The following IL17RB variants were observed in gnomAD, a reference collection of about 807,000 sequenced individuals.
IL17RB encodes the protein interleukin-17 receptor B.
Under a neutral mutation model 43.9 loss-of-function variants are expected in IL17RB, and 36 were observed. The ratio of observed to expected loss-of-function variants is 0.82; its 90% confidence interval spans 0.63 to 1.08. The LOEUF (loss-of-function observed/expected upper bound fraction) is 1.08. IL17RB is among the 50% of genes least tolerant of loss of function. The pLI is 0.00. For synonymous variants in IL17RB, 225 were observed against 225.4 expected (o/e 1.00, Z 0.02); for missense variants, 613 against 613.6 (o/e 1.00, Z 0.01).
At chr3:53,846,699 A>G in intron 1 of IL17RB, 51 bp downstream of exon 1, 2 of 1,522,946 alleles carry the variant, frequency 1.3e-6, no homozygotes, top group Non-Finnish European at 1.8e-6. Context: ...TCGAGCCCAG[A>G]TCCTGACGTC....
At chr3:53,860,940 A>G (rs571610571) in intron 10 of IL17RB, 71 of 152,356 alleles carry the variant, frequency 4.7e-4, no homozygotes, top group African/African-American at 1.6e-3. Flanking sequence ...CACAGTTGAG[A>G]GAAACGTGAG....
chr3:53,854,607 G>C (rs1473003877), intron 5 of IL17RB, among the ~76,000 whole-genome samples: 1 of 152,154 alleles, frequency 6.6e-6, no homozygotes, highest in Non-Finnish European at 1.5e-5. Flanking sequence ...CCCATCAGGG[G>C]TCCATGGCAC....
intron 10 of IL17RB, among the ~76,000 whole-genome samples, chr3:53,864,517 AGAGT>A (rs1699704934): frequency 6.6e-6 from 1 of 152,168 alleles, no homozygotes; most frequent in African/African-American, 2.4e-5. Context: ...CCTGGGCGAC[AGAGT>A]GAGACTATGT....
chr3:53,855,987 T>A (rs1473922932), intron 6 of IL17RB, among the ~76,000 whole-genome samples: 2 of 152,224 alleles, frequency 1.3e-5, no homozygotes, highest in African/African-American at 4.8e-5. Flanking sequence ...TAGTGGTATT[T>A]GGATCAGCCC....
chr3:53,858,633 G>T, intron 8 of IL17RB, 86 bp from the exon 9 acceptor site: 1 of 1,549,374 alleles, frequency 6.5e-7, no homozygotes, highest in East Asian at 2.4e-5. Context: ...CCAGAAAGAA[G>T]GGAAGTTTTG....
chr3:53,863,203 T>C (rs1437515382), intron 10 of IL17RB, among the ~76,000 whole-genome samples: 1 of 152,228 alleles, frequency 6.6e-6, no homozygotes, highest in Non-Finnish European at 1.5e-5. Context: ...CAGTCAACAG[T>C]AGGCTATTAG....
intron 3 of IL17RB, 65 bp from the exon 4 acceptor site, chr3:53,851,934 C>G: frequency 6.3e-7 from 1 of 1,575,566 alleles, no homozygotes; most frequent in South Asian, 1.1e-5. Flanking sequence ...AGTAAAGCAT[C>G]TAGCATCAAG....
chr3:53,852,063 C>T lies in IL17RB; in HGVS notation c.291C>T (p.Tyr97=), dbSNP rs1370331447. 1.2e-6 allele frequency: 2 copies of T among 1,614,170 alleles called. No individual in the cohort carries two copies. The highest frequency in any genetic ancestry group is 8.5e-7 in the Non-Finnish European group (1 of 1,180,036). ...CGGGCAAAAGCAACTTCCAGTCCTA[C>T]AGCTGTGTGAGGTGCAATTACACAG... is the stretch of plus-strand genomic sequence containing the variant. ...CVTGKSNFQS[Y]SCVRCNYTEA... The change falls in exon 4 of 11, where the codon TAC becomes TAT. Residue 97 remains tyrosine, a synonymous_variant. Coordinates refer to ENST00000288167, the MANE Select transcript of IL17RB (RefSeq NM_018725.4).
chr3:53,850,067 G>A (rs1318839847), intron 3 of IL17RB, among the ~76,000 whole-genome samples: 1 of 152,200 alleles, frequency 6.6e-6, no homozygotes, highest in African/African-American at 2.4e-5. Flanking sequence ...ACAACAATAT[G>A]GATGAATGTC....
Position 53,856,697 on chromosome 3 carries a change from A to G in IL17RB, c.530-147A>G, listed in dbSNP as rs1699345147. On this transcript the variant is annotated intron_variant, in intron 6 of 10. Transcript: ENST00000288167. Reference sequence around the variant, plus strand: ...CAAGTACTTTGAGACTTTGGAAACAATGATAAAAAGTTCACTATGTAGCAG... The same window carrying G: ...CAAGTACTTTGAGACTTTGGAAACAGTGATAAAAAGTTCACTATGTAGCAG... The G allele has an allele frequency of 1.1e-5, 8 of 715,138 alleles. No individual in the cohort carries two copies. In the South Asian group the frequency reaches 1.3e-4, roughly 12 times the overall value. The allele number at this position is 715,138 out of a possible 1,614,324, so 44.3% of individuals were successfully genotyped here. A position where few individuals can be genotyped will look rare whatever the true frequency, so the allele number is the denominator to read the frequency against.
rs1405400685 is a variant in IL17RB at position 53,857,544 on chromosome 3, C to T, written c.673-72C>T. ...AAGCCATCTGCCTGCCTTGGCCTCC[C>T]AAAGTGTTGGGATTACAGGGGTGAG... On this transcript the variant is annotated intron_variant, in intron 7 of 10. Coordinates refer to ENST00000288167, the MANE Select transcript of IL17RB (RefSeq NM_018725.4). 3.5e-6 allele frequency: 5 copies of T among 1,418,298 alleles called. No individual in the cohort carries two copies. The African/African-American group carries it at 4.2e-5, about 12-fold the overall frequency. 87.9% of individuals were successfully genotyped at this position (1,418,298 alleles called of 1,614,324 possible). A position where few individuals can be genotyped will look rare whatever the true frequency, so the allele number is the denominator to read the frequency against.
rs1699731309 is a variant in IL17RB at position 53,865,026 on chromosome 3, C to CA, written c.1229dup (p.Ser411GlufsTer7). 3 of 1,614,176 alleles carry CA rather than the reference C, an allele frequency of 1.9e-6. No individual in the cohort carries two copies. The highest frequency in any genetic ancestry group is 2.5e-6 in the Non-Finnish European group (3 of 1,180,034). On this transcript the variant is annotated frameshift_variant, in exon 11 of 11. Coordinates refer to ENST00000288167, the MANE Select transcript of IL17RB (RefSeq NM_018725.4). LOFTEE classifies it low-confidence loss of function (END_TRUNC). Reference sequence around the variant, plus strand: ...ACAGTGTGTGCGATGGTACCTGTGGCAAGAGCGAGGGCAGTCCCAGTGAGA... The same window carrying CA: ...ACAGTGTGTGCGATGGTACCTGTGGCAAAGAGCGAGGGCAGTCCCAGTGAGA...
intron 3 of IL17RB, 135 bp from the exon 4 acceptor site, chr3:53,851,864 G>C: frequency 1.0e-6 from 1 of 995,840 alleles, no homozygotes; most frequent in Non-Finnish European, 1.5e-6. Context: ...ACTGGAGACA[G>C]TGGTGCCTAC....
rs2232339 is a variant in IL17RB at position 53,856,723 on chromosome 3, C to T, written c.530-121C>T. 3.9e-3 allele frequency: 3,449 copies of T among 877,686 alleles called. 58 individuals carry two copies. In the African/African-American group the frequency reaches 0.045, roughly 11 times the overall value. The allele number at this position is 877,686 out of a possible 1,614,324, so 54.4% of individuals were successfully genotyped here. A position where few individuals can be genotyped will look rare whatever the true frequency, so the allele number is the denominator to read the frequency against. On this transcript the variant is annotated intron_variant, in intron 6 of 10. Coordinates refer to ENST00000288167, the MANE Select transcript of IL17RB (RefSeq NM_018725.4). Reference sequence around the variant, plus strand: ...TGATAAAAAGTTCACTATGTAGCAGCGTCCCTATCTCTTGGACATTGTTCC... The same window carrying T: ...TGATAAAAAGTTCACTATGTAGCAGTGTCCCTATCTCTTGGACATTGTTCC...
intron 10 of IL17RB, chr3:53,861,296 CTTTTT>C (rs34624787): frequency 6.7e-6 from 1 of 149,706 alleles, no homozygotes; most frequent in East Asian, 2.0e-4. Context: ...GCAAAAAAAA[CTTTTT>C]TTTTTCATTA....
chr3:53,858,626 G>C, intron 8 of IL17RB, 93 bp from the exon 9 acceptor site: 1 of 1,534,580 alleles, frequency 6.5e-7, no homozygotes, highest in Non-Finnish European at 8.8e-7. Flanking sequence ...GGCGAAGCCA[G>C]AAAGAAGGGA....
chr3:53,858,650 G>GTA, intron 8 of IL17RB, 69 bp from the exon 9 acceptor site: 1 of 1,579,764 alleles, frequency 6.3e-7, no homozygotes, highest in Non-Finnish European at 8.6e-7. Flanking sequence ...TTTGGCTGAA[G>GTA]TAGGAGTCTT....
At chr3:53,855,269 TA>T in intron 5 of IL17RB, 24 bp from the exon 6 acceptor site, 1 of 1,570,204 alleles carries the variant, frequency 6.4e-7, no homozygotes, top group Non-Finnish European at 8.8e-7. Context: ...TTCTAAAATG[TA>T]AAAACTTTCA....
At chr3:53,855,488 A>G (rs1699299781) in intron 6 of IL17RB, 147 bp downstream of exon 6, 2 of 581,886 alleles carry the variant, frequency 3.4e-6, no homozygotes, top group African/African-American at 1.9e-5. Context: ...AGAAGCACCT[A>G]TGGCTCCTGA....
Sources: gnomAD v4.1 joint callset for allele counts (sites outside exome capture counted in the v4.1 genomes callset) on GRCh38, gnomAD v4.1.1 for gene constraint, MANE v1.5 for transcripts, NCBI Gene and HGNC (gene_info 2026-07-23, HGNC 2026-07-21) for gene names.